Variants in RNF126 observed in about 807,000 individuals in gnomAD.
RNF126 encodes the protein ring finger protein 126.
Under a neutral mutation model 41.9 loss-of-function variants are expected in RNF126, and 20 were observed. That is an observed-to-expected ratio of 0.48 (90% CI 0.34 to 0.69). The LOEUF (loss-of-function observed/expected upper bound fraction) is 0.69. Among genes scored for constraint, RNF126 ranks in the 30% least tolerant of loss-of-function variants. The pLI is 0.01. For synonymous variants in RNF126, 239 were observed against 202.9 expected (o/e 1.18, Z -1.51); for missense variants, 433 against 460.6 (o/e 0.94, Z 0.55).
Position 652,198 on chromosome 19 carries a change from A to T in RNF126, c.198+35T>A, listed in dbSNP as rs764403569. On this transcript the variant is annotated intron_variant, in intron 3 of 8. Transcript: ENST00000292363. ...GCGCTCGGGGCCCCGAGCAAGGCTG[A>T]CACGATCGGGAAGCACGAGGGGCGG... 6 of 1,492,254 alleles carry T rather than the reference A, an allele frequency of 4.0e-6. No individual in the cohort carries two copies. The South Asian group carries it at 7.9e-5, about 20-fold the overall frequency. The allele number at this position is 1,492,254 out of a possible 1,614,324, so 92.4% of individuals were successfully genotyped here.
intron 4 of RNF126, chr19:650,583 A>AATT: frequency 7.9e-5 from 10 of 126,890 alleles, no homozygotes; most frequent in East Asian, 3.6e-4. Flanking sequence ...ACTCTCGGCT[A>AATT]CTTTTTTTTT....
intron 1 of RNF126, among the ~76,000 whole-genome samples, chr19:653,865 G>A (rs891490515): frequency 2.6e-5 from 4 of 152,238 alleles, no homozygotes; most frequent in Non-Finnish European, 5.9e-5. Context: ...TCACATGGGG[G>A]TCCCAAGACC....
intron 4 of RNF126, chr19:650,586 T>G (rs2030231189): frequency 6.1e-6 from 1 of 164,534 alleles, no homozygotes; most frequent in South Asian, 2.2e-4. Context: ...CTCGGCTACT[T>G]TTTTTTTTTT....
rs2030039748 is a variant in RNF126, at chr19:647,972, T to C, written c.*156A>G. ...ACGCCTTCCCAAGCCAGGGGGCCGG[T>C]GGGCCGGGCCCGGGTCCTGCCCTGG... On this transcript the variant is annotated 3_prime_UTR_variant, in exon 9 of 9. Coordinates refer to ENST00000292363, the MANE Select transcript of RNF126 (RefSeq NM_194460.3). 4.3e-6 allele frequency: 4 copies of C among 936,512 alleles called. No homozygotes were observed. The highest frequency in any genetic ancestry group is 6.2e-6 in the Non-Finnish European group (4 of 645,420). 58.0% of individuals were successfully genotyped at this position (936,512 alleles called of 1,614,324 possible). A position where few individuals can be genotyped will look rare whatever the true frequency, so the allele number is the denominator to read the frequency against.
chr19:649,102 G>T, intron 6 of RNF126, 127 bp from the exon 7 acceptor site: 1 of 440,306 alleles, frequency 2.3e-6, no homozygotes, highest in Non-Finnish European at 3.8e-6. Context: ...GCCCCTTGGA[G>T]CCCGCCCGGG....
chr19:651,671 C>G lies in RNF126; in HGVS notation c.383G>C (p.Arg128Pro). Residue 128 changes from arginine (R) to proline (P), a missense_variant, in exon 4 of 9, where the codon CGC (arginine) becomes CCC (proline). Arg to Pro is a moderately radical substitution (Grantham distance 103, BLOSUM62 -2). This residue lies in a region of RNF126 where 247 missense variants were observed against 224.7 expected (regional missense o/e 1.10). Coordinates refer to ENST00000292363, the MANE Select transcript of RNF126 (RefSeq NM_194460.3). ...GGCCCGCCGCGTGGTGAGGCGGGCG[C>G]GGGGCTGTCGGGCGCCGTACCGGTG... ...SRHRYGARQP[R>P]ARLTTRRATG... is the part of the protein sequence containing the mutation. 6.4e-7 allele frequency: 1 copy of G among 1,557,972 alleles called. No individual in the cohort carries two copies. Among genetic ancestry groups the G allele is most frequent in the Non-Finnish European group, 8.7e-7 (1 of 1,152,486 alleles).
intron 1 of RNF126, among the ~76,000 whole-genome samples, chr19:656,367 A>G (rs971626255): frequency 6.6e-6 from 1 of 151,990 alleles, no homozygotes; most frequent in African/African-American, 2.4e-5. Flanking sequence ...AACAAAGAAA[A>G]AAAGGGCTGG....
Position 651,828 on chromosome 19 carries a change from G to A in RNF126, c.226C>T (p.Pro76Ser). The A allele has an allele frequency of 6.2e-7, 1 of 1,611,836 alleles. No homozygotes were observed. The change falls in exon 4 of 9, where the codon CCG becomes TCG. Residue 76 changes from proline (P) to serine (S), a missense_variant. Around this residue, in one of 5 missense-constraint regions of RNF126, gnomAD observed 247 missense variants for 224.7 expected, o/e 1.10. Coordinates refer to ENST00000292363, the MANE Select transcript of RNF126 (RefSeq NM_194460.3). ...EHVDQHLFTL[P>S]QGYGQFAFGI... is the part of the protein sequence containing the mutation. ...AAAGCAAACTGTCCGTAGCCCTGCG[G>A]CAGCGTGAACAGGTGCTGGTCCACG...
intron 1 of RNF126, among the ~76,000 whole-genome samples, chr19:658,158 A>C (rs1357601679): frequency 6.6e-6 from 1 of 152,130 alleles, no homozygotes; most frequent in Non-Finnish European, 1.5e-5. Context: ...CTGGCCAGGC[A>C]GCCAGGGTAG....
chr19:649,147 C>T (rs974038203), intron 6 of RNF126, 172 bp from the exon 7 acceptor site: 15 of 361,566 alleles, frequency 4.1e-5, no homozygotes, highest in Non-Finnish European at 5.9e-5. Flanking sequence ...GCGGCCCCCC[C>T]GCTCCTGGGT....
intron 1 of RNF126, among the ~76,000 whole-genome samples, chr19:654,949 C>A (rs1352969254): frequency 6.6e-6 from 1 of 150,908 alleles, no homozygotes; most frequent in African/African-American, 2.4e-5. Flanking sequence ...GCCTGGGCGA[C>A]AGAGTGAGAC....
chr19:652,106 CT>C, intron 3 of RNF126, 126 bp downstream of exon 3: 1 of 883,408 alleles, frequency 1.1e-6, no homozygotes, highest in Non-Finnish European at 1.6e-6. Context: ...GCCCGGGCCC[CT>C]GGAGGGAAAA....
chr19:657,900 C>T (rs775985001), intron 1 of RNF126, among the ~76,000 whole-genome samples: 6 of 152,098 alleles, frequency 3.9e-5, no homozygotes, highest in Non-Finnish European at 8.8e-5. Flanking sequence ...CCCTCCTCCT[C>T]CAAGGGCACA....
At chr19:657,345 G>A (rs1398798540) in intron 1 of RNF126, among the ~76,000 whole-genome samples, 2 of 152,208 alleles carry the variant, frequency 1.3e-5, no homozygotes, top group Non-Finnish European at 2.9e-5. Context: ...CCGGGTTCCC[G>A]TCTCAGTCCA....
intron 6 of RNF126, chr19:649,222 G>GGGGC (rs896158768): frequency 1.2e-5 from 3 of 255,522 alleles, no homozygotes; most frequent in South Asian, 1.5e-4. Context: ...CAGCGGAATG[G>GGGGC]GGGGGGGGGC....
At chr19:655,325 CAA>C (rs759467675) in intron 1 of RNF126, among the ~76,000 whole-genome samples, 2 of 117,018 alleles carry the variant, frequency 1.7e-5, no homozygotes, top group Admixed American at 8.8e-5. Flanking sequence ...CAGACCCTGC[CAA>C]AAAAAAAAAG....
chr19:651,484 C>T (rs192852496), intron 4 of RNF126, 127 bp downstream of exon 4: 175 of 974,450 alleles, frequency 1.8e-4, no homozygotes, highest in East Asian at 6.8e-4. Flanking sequence ...AGGGCCTGGC[C>T]GGGCGGCCTC....
Position 648,942 on chromosome 19 carries a change from G to A in RNF126, c.610C>T (p.Pro204Ser). The change falls in exon 7 of 9, where the codon CCG (proline) becomes TCG (serine). Residue 204 changes from proline (P) to serine (S), a missense_variant. By Grantham distance (74) the Pro-to-Ser change is moderately conservative. Coordinates refer to ENST00000292363, the MANE Select transcript of RNF126 (RefSeq NM_194460.3). ...GCCTGGATTTTCTCTTTATCTGCCG[G>A]TGGGGGGCCTGTGTTTTCAAACTGA... ...LNQFENTGPP[P>S]ADKEKIQALP... is the part of the protein sequence containing the mutation. 1 of 1,427,984 alleles carries A rather than the reference G, an allele frequency of 7.0e-7. No homozygotes were observed. Among genetic ancestry groups the A allele is most frequent in the South Asian group, 1.8e-5 (1 of 56,924 alleles). The allele number at this position is 1,427,984 out of a possible 1,614,324, so 88.5% of individuals were successfully genotyped here. A position where few individuals can be genotyped will look rare whatever the true frequency, so the allele number is the denominator to read the frequency against.
At chr19:648,566 C>A in intron 7 of RNF126, 79 bp from the exon 8 acceptor site, 1 of 1,183,308 alleles carries the variant, frequency 8.5e-7, no homozygotes, top group South Asian at 1.3e-5. Context: ...TCCACAGCCT[C>A]AGCCGGAGGC....
Sources: gnomAD v4.1 joint callset for allele counts (sites outside exome capture counted in the v4.1 genomes callset) on GRCh38, gnomAD v4.1.1 for gene constraint, gnomAD v4.1.1 regional missense constraint, MANE v1.5 for transcripts, NCBI Gene and HGNC (gene_info 2026-07-23, HGNC 2026-07-21) for gene names.